Variants in VPS13D observed in about 807,000 individuals in gnomAD.
VPS13D encodes vacuolar protein sorting 13 homolog D, also known as intermembrane lipid transfer protein VPS13D.
In VPS13D, 187 loss-of-function variants were observed where a neutral mutation model predicts 461.9. That is an observed-to-expected ratio of 0.40 (90% CI 0.36 to 0.46). The LOEUF is 0.46. Ranked by LOEUF, VPS13D falls within the 20% of genes least tolerant of loss-of-function variation. The probability of loss-of-function intolerance (pLI) is 0.60; values close to 1 mark genes in which losing one functional copy is unlikely to be tolerated. For missense variants in VPS13D, 4,711 were observed against 5,364.9 expected (o/e 0.88, Z 3.81); for synonymous variants, 1,951 against 1,986.3 (o/e 0.98, Z 0.47).
chr1:12,306,732 A>G (rs917352881), intron 26 of VPS13D, among the ~76,000 whole-genome samples: 3 of 152,184 alleles, frequency 2.0e-5, no homozygotes, highest in Non-Finnish European at 4.4e-5. Context: ...ATCAGGGACC[A>G]GTTTCATGGA....
intron 2 of VPS13D, among the ~76,000 whole-genome samples, chr1:12,238,632 CTT>C (rs757737137): frequency 4.8e-4 from 63 of 132,124 alleles, no homozygotes; most frequent in Admixed American, 6.2e-4. Context: ...AGCTGCTATT[CTT>C]TTTTTTTTTT....
chr1:12,267,651 G>GA (rs1641312779), intron 14 of VPS13D, among the ~76,000 whole-genome samples, 194 bp from the exon 15 acceptor site: 1 of 152,128 alleles, frequency 6.6e-6, no homozygotes, highest in Admixed American at 6.6e-5. Context: ...CAGTACAAAG[G>GA]AAAAGATGTG....
chr1:12,368,021 T>G (rs1644063089), intron 52 of VPS13D, among the ~76,000 whole-genome samples: 2 of 152,216 alleles, frequency 1.3e-5, no homozygotes, highest in Admixed American at 1.3e-4. Context: ...TCCTCCCACC[T>G]TGGCCTCCCA....
intron 65 of VPS13D, among the ~76,000 whole-genome samples, chr1:12,441,403 G>T (rs1645129385): frequency 6.6e-6 from 1 of 152,166 alleles, no homozygotes; most frequent in South Asian, 2.1e-4. Flanking sequence ...TTAAAGCATG[G>T]ACGCCAGCTT....
At position 12,345,374 on chromosome 1, in the gene VPS13D, A is replaced by G; in HGVS notation, c.8886A>G (p.Arg2962=). The change falls in exon 43 of 70, where the codon AGA becomes AGG. Residue 2962 remains arginine (R), a splice_region_variant and synonymous_variant. Transcript: ENST00000620676. The part of the protein sequence containing the change: ...EFEARGKLRH[R]HTHDLRIHQL... ...TCTTTTTCTTTGTTCTGCCTGACAG[A>G]CACACCCATGACCTCCGGATTCATC... The G allele has an allele frequency of 1.2e-6, 2 of 1,607,308 alleles. No individual in the cohort carries two copies.
chr1:12,355,027 A>C (rs751199375), intron 47 of VPS13D, among the ~76,000 whole-genome samples: 19 of 152,242 alleles, frequency 1.2e-4, no homozygotes, highest in Non-Finnish European at 2.4e-4. Flanking sequence ...GTATAGGCCA[A>C]AAAGGAAGTG....
intron 10 of VPS13D, among the ~76,000 whole-genome samples, chr1:12,259,596 G>A (rs944268884): frequency 2.4e-4 from 36 of 151,956 alleles, no homozygotes; most frequent in African/African-American, 8.0e-4. Flanking sequence ...GAGCCACTGC[G>A]CCCAGCCCTT....
chr1:12,326,875 C>T (rs1643204455), intron 35 of VPS13D, among the ~76,000 whole-genome samples: 1 of 152,182 alleles, frequency 6.6e-6, no homozygotes, highest in South Asian at 2.1e-4. Flanking sequence ...GATCTCCTGA[C>T]CTCATGATCT....
chr1:12,329,941 C>T, intron 37 of VPS13D, 23 bp downstream of exon 37: 2 of 1,507,096 alleles, frequency 1.3e-6, no homozygotes, highest in Non-Finnish European at 1.8e-6. Flanking sequence ...CATATGTTAT[C>T]ATGGGATTTA....
Position 12,348,932 on chromosome 1 carries a change from C to T in VPS13D, c.9179C>T (p.Thr3060Ile). The T allele has an allele frequency of 6.2e-7, 1 of 1,614,200 alleles. No individual in the cohort carries two copies. Among genetic ancestry groups the T allele is most frequent in the Non-Finnish European group, 8.5e-7 (1 of 1,180,040 alleles). ...SALIVRNRLE[T>I]PMELRLDSPS... is the part of the protein sequence containing the mutation. ...CTCATTGTGAGGAACAGACTTGAGA[C>T]ACCAATGGAACTAAGACTGGATAGC... Residue 3060 changes from threonine (T) to isoleucine (I), a missense_variant, in exon 45 of 70, where the codon ACA becomes ATA. Physicochemically the swap from Thr to Ile is moderately conservative, Grantham distance 89. Coordinates refer to ENST00000620676, the MANE Select transcript of VPS13D (RefSeq NM_015378.4).
chr1:12,357,673 A>G (rs1216736226), intron 49 of VPS13D, among the ~76,000 whole-genome samples: 2 of 152,228 alleles, frequency 1.3e-5, no homozygotes, highest in Admixed American at 6.5e-5. Flanking sequence ...GTCGAAATCC[A>G]TGACAGGACA....
At chr1:12,253,366 G>C (rs936339802) in intron 6 of VPS13D, among the ~76,000 whole-genome samples, 10 of 152,162 alleles carry the variant, frequency 6.6e-5, no homozygotes, top group African/African-American at 9.7e-5. Context: ...TGCTGATACT[G>C]AGGGAGGACT....
rs1644778493 is a variant in VPS13D at position 12,415,197 on chromosome 1, T to C, written c.12141T>C (p.Asn4047=). The change falls in exon 64 of 70, where the codon AAT becomes AAC. Residue 4047 remains asparagine (N), a synonymous_variant. Transcript: ENST00000620676. ...ATGAGACCAAGGAGTTCATCATCAA[T>C]GATATCCTCAAACATTTCCAGGAGG... ...HPYETKEFII[N]DILKHFQEEL... 1.2e-6 allele frequency: 2 copies of C among 1,614,038 alleles called. No homozygotes were observed. The highest frequency in any genetic ancestry group is 1.7e-6 in the Non-Finnish European group (2 of 1,180,012).
At chr1:12,355,824 C>T (rs1643880593) in intron 47 of VPS13D, 75 bp from the exon 48 acceptor site, 1 of 1,393,168 alleles carries the variant, frequency 7.2e-7, no homozygotes, top group Non-Finnish European at 9.5e-7. Flanking sequence ...CAAAAGGAAT[C>T]CAATTTACTT....
chr1:12,366,230 A>G (rs910500436), intron 52 of VPS13D, among the ~76,000 whole-genome samples: 1 of 152,156 alleles, frequency 6.6e-6, no homozygotes, highest in Non-Finnish European at 1.5e-5. Context: ...TTTATATTTG[A>G]CTTTTAAATG....
At chr1:12,260,566 C>T (rs1057066716) in intron 10 of VPS13D, 127 bp from the exon 11 acceptor site, 3 of 711,004 alleles carry the variant, frequency 4.2e-6, no homozygotes, top group African/African-American at 3.6e-5. Context: ...TCTTGGCCTT[C>T]AGTGGAAATG....
At chr1:12,377,021 G>T (rs1644207721) in intron 55 of VPS13D, among the ~76,000 whole-genome samples, 2 of 151,926 alleles carry the variant, frequency 1.3e-5, no homozygotes, top group African/African-American at 4.8e-5. Context: ...TATGTCACTG[G>T]ATTGTTTGCA....
chr1:12,327,928 T>A, intron 36 of VPS13D, 74 bp downstream of exon 36: 1 of 1,448,620 alleles, frequency 6.9e-7, no homozygotes, highest in East Asian at 2.3e-5. Flanking sequence ...GGCCTTTTTT[T>A]TTTTGTCATT....
In VPS13D at chr1:12,283,269, C is replaced by G; in HGVS notation, c.5167C>G (p.Arg1723Gly). Residue 1723 changes from arginine (R) to glycine (G), a missense_variant, in exon 21 of 70, where the codon CGG (arginine) becomes GGG (glycine). By Grantham distance (125) the Arg-to-Gly change is moderately radical. This residue lies in a region of VPS13D where 4,411 missense variants were observed against 4,937.8 expected (regional missense o/e 0.89). Coordinates refer to ENST00000620676, the MANE Select transcript of VPS13D (RefSeq NM_015378.4). The stretch of plus-strand genomic sequence containing the variant: ...CAATGTGGAATATCCTGATATGCCT[C>G]GGTCTCTCCCTTCCCACATGGAAGA... Reference protein sequence around the residue: ...VSNVEYPDMPRSLPSHMEEAP... With the variant: ...VSNVEYPDMPGSLPSHMEEAP... The G allele has an allele frequency of 1.2e-6, 2 of 1,614,086 alleles. No homozygotes were observed. Among genetic ancestry groups the G allele is most frequent in the Non-Finnish European group, 1.7e-6 (2 of 1,180,016 alleles).
Sources: allele counts gnomAD v4.1 joint callset (sites outside exome capture counted in the v4.1 genomes callset), GRCh38; gene constraint gnomAD v4.1.1; regional missense constraint gnomAD v4.1.1; transcripts MANE v1.5; gene names NCBI Gene and HGNC (gene_info 2026-07-23, HGNC 2026-07-21).